The following THYN1 variants were observed in gnomAD, a reference collection of about 807,000 sequenced individuals.
The protein encoded by THYN1 is thymocyte protein thy28.
A neutral mutation model predicts 30.6 loss-of-function variants in THYN1; 32 were observed. The observed-to-expected ratio is 1.05, with a 90% CI of 0.79 to 1.40. The LOEUF (loss-of-function observed/expected upper bound fraction) is 1.40, where lower values mean the gene tolerates loss of function less well. THYN1 is among the 40% of genes most tolerant of loss of function. The probability of loss-of-function intolerance (pLI) is 0.00; values close to 1 mark genes in which losing one functional copy is unlikely to be tolerated. For missense variants in THYN1, 259 were observed against 272.6 expected (o/e 0.95, Z 0.35); for synonymous variants, 107 against 90.8 (o/e 1.18, Z -1.01).
chr11:134,249,112 C>T, intron 5 of THYN1, 55 bp downstream of exon 5: 1 of 1,578,922 alleles, frequency 6.3e-7, no homozygotes, highest in Non-Finnish European at 8.6e-7. Flanking sequence ...CCCCAACCGT[C>T]TTCTTCCCCT....
intron 6 of THYN1, 93 bp downstream of exon 6, chr11:134,248,716 T>TGAAGGG: frequency 6.4e-7 from 1 of 1,550,974 alleles, no homozygotes; most frequent in Non-Finnish European, 8.8e-7. Context: ...CTGAGAAAGG[T>TGAAGGG]GAAGTACCAT....
At chr11:134,250,013 A>G in intron 3 of THYN1, 93 bp from the exon 4 acceptor site, 1 of 1,277,122 alleles carries the variant, frequency 7.8e-7, no homozygotes, top group Non-Finnish European at 1.1e-6. Flanking sequence ...TAGATGGGTG[A>G]TTCTTGTCTG....
In THYN1 at chr11:134,252,830, G is replaced by C; in HGVS notation, c.43+10C>G. ...TTGGGCTGCCTTTGTGCAGCCTAGG[G>C]GCAGCTCACCTGAACCAGAAGTCCC... On this transcript the variant is annotated intron_variant, in intron 1 of 6. Coordinates refer to ENST00000341541, the MANE Select transcript of THYN1 (RefSeq NM_014174.3). The C allele has an allele frequency of 6.2e-7, 1 of 1,613,598 alleles. No individual in the cohort carries two copies. Among genetic ancestry groups the C allele is most frequent in the African/African-American group, 1.3e-5 (1 of 74,990 alleles).
chr11:134,251,623 G>C (rs1939061005), intron 1 of THYN1: 2 of 247,226 alleles, frequency 8.1e-6, no homozygotes, highest in Admixed American at 1.1e-4. Flanking sequence ...CTTTGCATAG[G>C]AAAGAGGAAA....
At position 134,249,862 on chromosome 11, in the gene THYN1, T is replaced by C. The variant is rs1280441446; in HGVS notation, c.350A>G (p.Asn117Ser). ...LGEEAFFYHS[N>S]CKEPGIAGLM... ...TCCTGCGATGCCTGGCTCTTTGCAG[T>C]TGCTATGGTAGAAGAAGGCTTCTTC... The change falls in exon 4 of 7, where the codon AAC becomes AGC. Residue 117 changes from asparagine to serine, a missense_variant. Transcript: ENST00000341541. 8 of 1,614,190 alleles carry C rather than the reference T, an allele frequency of 5.0e-6. No homozygotes were observed. Among genetic ancestry groups the C allele is most frequent in the Non-Finnish European group, 6.8e-6 (8 of 1,180,028 alleles).
At chr11:134,250,578 G>A (rs1173398706) in intron 2 of THYN1, among the ~76,000 whole-genome samples, 1 of 152,068 alleles carries the variant, frequency 6.6e-6, no homozygotes, top group East Asian at 1.9e-4. Context: ...AATAATCTAG[G>A]TGATAAAGTA....
rs756346064 is a variant in THYN1, at chr11:134,248,820, G to A, written c.620C>T (p.Pro207Leu). 2 of 1,614,150 alleles carry A rather than the reference G, an allele frequency of 1.2e-6. No homozygotes were observed. Among genetic ancestry groups the A allele is most frequent in the Admixed American group, 1.7e-5 (1 of 60,024 alleles). ...LFTRQRLSIQ[P>L]LTQEEFDFVL... ...GGGCCCACTCTTACCCTGGGTCAGG[G>A]GCTGGATTGATAATCTCTGGCGAGT... The change falls in exon 6 of 7, where the codon CCC (proline) becomes CTC (leucine). Residue 207 changes from proline (P) to leucine (L), a missense_variant. Pro to Leu is a moderately conservative substitution (Grantham distance 98). Transcript: ENST00000341541.
At chr11:134,252,549 A>G (rs1298256348) in intron 1 of THYN1, among the ~76,000 whole-genome samples, 4 of 152,166 alleles carry the variant, frequency 2.6e-5, no homozygotes, top group South Asian at 2.1e-4. Context: ...GAACCCCATC[A>G]CATCTGTTTG....
Position 134,253,006 on chromosome 11 carries a change from G to A in THYN1, c.-124C>T. On this transcript the variant is annotated 5_prime_UTR_variant, in exon 1 of 7. In the 5' UTR this introduces an upstream ATG that the reference lacks. Transcript: ENST00000341541. ...GAGGCAACGAGAGGCAGCCTAGAAC[G>A]TCTCCAACTTTTGCGAAACACAGAC... is the stretch of plus-strand genomic sequence containing the variant. 6.9e-7 allele frequency: 1 copy of A among 1,454,852 alleles called. No homozygotes were observed. The highest frequency in any genetic ancestry group is 9.0e-7 in the Non-Finnish European group (1 of 1,109,014). The allele number at this position is 1,454,852 out of a possible 1,614,324, so 90.1% of individuals were successfully genotyped here.
intron 4 of THYN1, 91 bp from the exon 5 acceptor site, chr11:134,249,353 GCA>G (rs1938938771): frequency 2.3e-6 from 3 of 1,314,924 alleles, no homozygotes; most frequent in Non-Finnish European, 3.3e-6. Flanking sequence ...TTTCTTCCCT[GCA>G]CATTCTTAAC....
chr11:134,252,731 A>AT, intron 1 of THYN1, 109 bp downstream of exon 1: 1 of 1,277,134 alleles, frequency 7.8e-7, no homozygotes, highest in East Asian at 2.3e-5. Context: ...TGGAGTAAAA[A>AT]TATCACAAAG....
chr11:134,248,893 G>A lies in THYN1; in HGVS notation c.547C>T (p.Gln183Ter). The A allele has an allele frequency of 6.2e-7, 1 of 1,613,960 alleles. No homozygotes were observed. Among genetic ancestry groups the A allele is most frequent in the East Asian group, 2.2e-5 (1 of 44,886 alleles). ...IPLAELKSYH[Q>*]AHKATGGPLK... ...GGGCCACCAGTAGCTTTGTGAGCTT[G>A]ATGATAGGATTTGAGCTCAGCCAGG... The change falls in exon 6 of 7, where the codon CAA becomes TAA. Residue 183 changes from glutamine (Q) to a stop codon, truncating the protein, a stop_gained. Coordinates refer to ENST00000341541, the MANE Select transcript of THYN1 (RefSeq NM_014174.3). LOFTEE classifies it high-confidence loss of function.
chr11:134,250,484 C>G (rs889475550), intron 2 of THYN1, 141 bp from the exon 3 acceptor site: 14 of 832,988 alleles, frequency 1.7e-5, no homozygotes, highest in Non-Finnish European at 2.5e-5. Context: ...GGAAGTGGCT[C>G]CACAGAGACA....
At chr11:134,248,983 C>T in intron 5 of THYN1, 24 bp from the exon 6 acceptor site, 2 of 1,613,830 alleles carry the variant, frequency 1.2e-6, no homozygotes, top group Non-Finnish European at 1.7e-6. Context: ...GTGTACATGA[C>T]AGAAAGACGT....
At chr11:134,252,347 A>T (rs1411194115) in intron 1 of THYN1, among the ~76,000 whole-genome samples, 1 of 152,152 alleles carries the variant, frequency 6.6e-6, no homozygotes. Context: ...TGTACCTTCC[A>T]ATGTTCCTCC....
rs903985252 is a variant in THYN1, at chr11:134,253,330, C to T, written c.-448G>A. ...CTCTGCAGACTCGACTGCGGTCCGC[C>T]TCCGCTGCGCCGCAGGCTGTGCAGC... On this transcript the variant is annotated 5_prime_UTR_variant, in exon 1 of 7. Transcript: ENST00000341541. 3 of 1,404,446 alleles carry T rather than the reference C, an allele frequency of 2.1e-6. No individual in the cohort carries two copies. The highest frequency in any genetic ancestry group is 1.5e-5 in the African/African-American group (1 of 68,748). The allele number at this position is 1,404,446 out of a possible 1,614,324, so 87.0% of individuals were successfully genotyped here. A position where few individuals can be genotyped will look rare whatever the true frequency, so the allele number is the denominator to read the frequency against.
At chr11:134,250,249 A>T in intron 3 of THYN1, 26 bp downstream of exon 3, 1 of 1,613,786 alleles carries the variant, frequency 6.2e-7, no homozygotes, top group Non-Finnish European at 8.5e-7. Context: ...CCTGGGTCTC[A>T]GGCGACCTCC....
At position 134,253,143 on chromosome 11, in the gene THYN1, AC is replaced by A. The variant is rs1231323677; in HGVS notation, c.-262del. 3 of 1,346,002 alleles carry A rather than the reference AC, an allele frequency of 2.2e-6. No homozygotes were observed. Among genetic ancestry groups the A allele is most frequent in the African/African-American group, 1.5e-5 (1 of 66,208 alleles). The allele number at this position is 1,346,002 out of a possible 1,614,324, so 83.4% of individuals were successfully genotyped here. A position where few individuals can be genotyped will look rare whatever the true frequency, so the allele number is the denominator to read the frequency against. On this transcript the variant is annotated 5_prime_UTR_variant, in exon 1 of 7. Coordinates refer to ENST00000341541, the MANE Select transcript of THYN1 (RefSeq NM_014174.3). ...TGTCCTTGGTCCTTCTCATCCAGGAACCCCTATCTCAGTATGTAGTTCACTG... is the reference window on the plus strand; with the variant it reads ...TGTCCTTGGTCCTTCTCATCCAGGAACCCTATCTCAGTATGTAGTTCACTG...
intron 3 of THYN1, 114 bp downstream of exon 3, chr11:134,250,161 G>T: frequency 1.7e-6 from 2 of 1,205,592 alleles, no homozygotes; most frequent in Non-Finnish European, 2.4e-6. Flanking sequence ...TATCAGGTTT[G>T]CTTCTGAGAA....
Sources: gnomAD v4.1 joint callset for allele counts (sites outside exome capture counted in the v4.1 genomes callset) on GRCh38, gnomAD v4.1.1 for gene constraint, MANE v1.5 for transcripts, NCBI Gene and HGNC (gene_info 2026-07-23, HGNC 2026-07-21) for gene names.